Variants in ZER1 observed in about 807,000 individuals in gnomAD.
ZER1 encodes zyg-11 related cell cycle regulator.
In ZER1, 11 loss-of-function variants were observed where a neutral mutation model predicts 78.8. That is an observed-to-expected ratio of 0.14 (90% CI 0.09 to 0.23). The LOEUF (loss-of-function observed/expected upper bound fraction) is 0.23, where lower values mean the gene tolerates loss of function less well. Ranked by LOEUF, ZER1 falls within the 10% of genes least tolerant of loss-of-function variation. ZER1 has a pLI of 1.00. For missense variants in ZER1, 588 were observed against 996.9 expected, an observed-to-expected ratio of 0.59 and a Z score of 5.52; for synonymous variants, 400 against 407.0, an observed-to-expected ratio of 0.98 and a Z score of 0.21.
chr9:128,766,479 T>A (rs965476755), intron 1 of ZER1, among the ~76,000 whole-genome samples: 1 of 152,136 alleles, frequency 6.6e-6, no homozygotes, highest in African/African-American at 2.4e-5. Context: ...GAAGGGGCTA[T>A]GGCTATGCAA....
chr9:128,743,155 T>C (rs1053881928), intron 8 of ZER1, among the ~76,000 whole-genome samples: 1 of 151,834 alleles, frequency 6.6e-6, no homozygotes, highest in African/African-American at 2.4e-5. Context: ...TGCTGCTCTG[T>C]CGCCCAGGCT....
chr9:128,743,699 C>T (rs1037238153), intron 8 of ZER1, among the ~76,000 whole-genome samples: 2 of 151,862 alleles, frequency 1.3e-5, no homozygotes, highest in African/African-American at 4.8e-5. Flanking sequence ...GGATTCTAGG[C>T]ATGAGCAACT....
At chr9:128,756,521 G>A (rs1456971043) in intron 1 of ZER1, among the ~76,000 whole-genome samples, 1 of 152,154 alleles carries the variant, frequency 6.6e-6, no homozygotes, top group Non-Finnish European at 1.5e-5. Context: ...ACTGGTGAAC[G>A]GATCAACAAA....
rs930718249 is a variant in ZER1 at position 128,753,436 on chromosome 9, G to A, written c.474C>T (p.Val158=). 6.8e-6 allele frequency: 11 copies of A among 1,614,062 alleles called. No individual in the cohort carries two copies. The highest frequency in any genetic ancestry group is 8.5e-6 in the Non-Finnish European group (10 of 1,180,032). ...TAACCAGCACCTGGCAGGTGGGGTT[G>A]ACGAGGTACTCATCTTCACAGCCCC... ...NPGGCEDEYL[V]NPTCQVLVKD... is the part of the protein sequence containing the mutation. The change falls in exon 4 of 16, where the codon GTC becomes GTT. Residue 158 remains valine (V), a synonymous_variant. Coordinates refer to ENST00000291900, the MANE Select transcript of ZER1 (RefSeq NM_006336.4). This position sits in a 1 kb window ranked among gnomAD's most constrained non-coding sequence, Gnocchi z 7.5.
Position 128,759,004 on chromosome 9 carries a change from T to TA in ZER1, c.-94-3346_-94-3345insT, listed in dbSNP as rs113623547. ...GTGTGTACTTTTTCAAGTGAATTTT[T>TA]TTTTTTTTTTTTAGACTGAGTCTTG... is the stretch of plus-strand genomic sequence containing the variant. On this transcript the variant is annotated intron_variant, in intron 1 of 15. Coordinates refer to ENST00000291900, the MANE Select transcript of ZER1 (RefSeq NM_006336.4). Among the ~76,000 whole-genome samples the TA allele has an allele frequency of 7.5e-3, 1,136 of 152,002 alleles. 19 individuals are homozygous for TA. Among genetic ancestry groups the TA allele is most frequent in the African/African-American group, 0.026 (1,068 of 41,470 alleles).
At chr9:128,731,429 G>C in intron 15 of ZER1, 35 bp from the exon 16 acceptor site, 1 of 1,428,286 alleles carries the variant, frequency 7.0e-7, no homozygotes, top group Non-Finnish European at 9.8e-7. Context: ...TTGGAGGGTG[G>C]GCTTGGGTGG....
At chr9:128,750,816 CT>C (rs1863651681) in intron 7 of ZER1, 27 bp from the exon 8 acceptor site, 1 of 1,613,186 alleles carries the variant, frequency 6.2e-7, no homozygotes, top group Admixed American at 1.7e-5. Flanking sequence ...GGGACCTGGG[CT>C]GGCAAGTGCA....
chr9:128,749,636 G>A (rs1206168161), intron 8 of ZER1, among the ~76,000 whole-genome samples: 6 of 151,560 alleles, frequency 4.0e-5, no homozygotes, highest in African/African-American at 1.5e-4. Context: ...TTAGGCAGGT[G>A]TGGTGGCATG....
intron 1 of ZER1, among the ~76,000 whole-genome samples, chr9:128,764,256 G>A (rs1328949635): frequency 6.6e-6 from 1 of 152,158 alleles, no homozygotes; most frequent in Non-Finnish European, 1.5e-5. Context: ...CAAAGTACTC[G>A]CCATCAGAGG....
In ZER1 at chr9:128,753,964, G is replaced by C; in HGVS notation, c.159-5C>G. The C allele has an allele frequency of 6.3e-7, 1 of 1,581,258 alleles. No homozygotes were observed. Among genetic ancestry groups the C allele is most frequent in the East Asian group, 2.3e-5 (1 of 42,586 alleles). On this transcript the variant is annotated splice_region_variant and splice_polypyrimidine_tract_variant and intron_variant, in intron 2 of 15. Transcript: ENST00000291900. This position sits in a 1 kb window ranked among gnomAD's most constrained non-coding sequence, Gnocchi z 7.5. Reference sequence around the variant, plus strand: ...GCGTTCACCAGCTCCACATACCTGGGAGAGAAAAAAGCCTGGCTCAGGAGA... The same window carrying C: ...GCGTTCACCAGCTCCACATACCTGGCAGAGAAAAAAGCCTGGCTCAGGAGA...
intron 1 of ZER1, among the ~76,000 whole-genome samples, chr9:128,756,672 T>C (rs1274062150): frequency 2.6e-5 from 4 of 152,188 alleles, no homozygotes; most frequent in East Asian, 3.8e-4. Context: ...ATTCCTCTGA[T>C]AGAAATGTCC....
chr9:128,762,443 T>C (rs558256709), intron 1 of ZER1, among the ~76,000 whole-genome samples: 1 of 152,304 alleles, frequency 6.6e-6, no homozygotes, highest in South Asian at 2.1e-4. Flanking sequence ...CAGGCATAGC[T>C]CACATTTCAG....
At chr9:128,757,047 C>A (rs1272302405) in intron 1 of ZER1, among the ~76,000 whole-genome samples, 1 of 152,068 alleles carries the variant, frequency 6.6e-6, no homozygotes, top group Non-Finnish European at 1.5e-5. Context: ...TCTGTTCATG[C>A]ATACACAAAA....
chr9:128,736,415 A>G (rs1203563762), intron 13 of ZER1, among the ~76,000 whole-genome samples: 1 of 136,734 alleles, frequency 7.3e-6, no homozygotes, highest in Non-Finnish European at 1.5e-5. Flanking sequence ...TTTTTTTGAG[A>G]CGGAGTCTCA....
chr9:128,734,020 C>T (rs1167768713), intron 14 of ZER1, among the ~76,000 whole-genome samples: 13 of 113,826 alleles, frequency 1.1e-4, no homozygotes, highest in African/African-American at 2.8e-4. Context: ...CCCAGCTACA[C>T]GGGAGGCTGA....
In ZER1 at chr9:128,735,255, T is replaced by A; in HGVS notation, c.2140+79A>T. On this transcript the variant is annotated intron_variant, in intron 14 of 15. Coordinates refer to ENST00000291900, the MANE Select transcript of ZER1 (RefSeq NM_006336.4). ...CTGACAGCAGCAATTAATGCCCCCC[T>A]CCTGGACTACAAACTCCCTGAGGGC... The A allele has an allele frequency of 3.0e-6, 4 of 1,324,632 alleles. No homozygotes were observed. In the South Asian group the frequency reaches 5.6e-5, roughly 18 times the overall value. The allele number at this position is 1,324,632 out of a possible 1,614,324, so 82.1% of individuals were successfully genotyped here. A position where few individuals can be genotyped will look rare whatever the true frequency, so the allele number is the denominator to read the frequency against.
Position 128,740,579 on chromosome 9 carries a change from CA to C in ZER1, c.1853+192del, listed in dbSNP as rs111851383. Among the ~76,000 whole-genome samples, 9,305 of 103,702 alleles carry C rather than the reference CA, an allele frequency of 0.09. 880 individuals are homozygous for C. Among genetic ancestry groups the C allele is most frequent in the African/African-American group, 0.28 (8,460 of 30,600 alleles). The allele number at this position is 103,702 out of a possible 152,430, so 68.0% of individuals were successfully genotyped here. A position where few individuals can be genotyped will look rare whatever the true frequency, so the allele number is the denominator to read the frequency against. Reference sequence around the variant, plus strand: ...TGGGTGACAGAGCAAGACTCCATCTCAAAAAAAAAAAAAAAGATATAATTAC... The same window carrying C: ...TGGGTGACAGAGCAAGACTCCATCTCAAAAAAAAAAAAAAGATATAATTAC... On this transcript the variant is annotated intron_variant, in intron 12 of 15. Coordinates refer to ENST00000291900, the MANE Select transcript of ZER1 (RefSeq NM_006336.4). The surrounding 1 kb of genome is among the most constrained non-coding windows in gnomAD (Gnocchi z 4.4).
At position 128,733,622 on chromosome 9, in the gene ZER1, TGTC is replaced by T. The variant is rs934036728; in HGVS notation, c.2141-97_2141-95del. On this transcript the variant is annotated intron_variant, in intron 14 of 15. Coordinates refer to ENST00000291900, the MANE Select transcript of ZER1 (RefSeq NM_006336.4). ...ACCCTGTCTGTGAGGACTATCCTGG[TGTC>T]GGGGGTGTGAAGGCACAGCCCTTGG... The T allele has an allele frequency of 3.5e-6, 4 of 1,153,798 alleles. No homozygotes were observed. The African/African-American group carries it at 6.1e-5, about 18-fold the overall frequency. 71.5% of individuals were successfully genotyped at this position (1,153,798 alleles called of 1,614,324 possible).
At chr9:128,748,491 A>G (rs1301619240) in intron 8 of ZER1, among the ~76,000 whole-genome samples, 1 of 151,032 alleles carries the variant, frequency 6.6e-6, no homozygotes, top group African/African-American at 2.4e-5. Context: ...GGCTTGCTTG[A>G]GCCTGAGAGG....
Sources: gnomAD v4.1 joint callset for allele counts (sites outside exome capture counted in the v4.1 genomes callset) on GRCh38, gnomAD v4.1.1 for gene constraint, Gnocchi (gnomAD v3.1) non-coding constraint, MANE v1.5 for transcripts, NCBI Gene and HGNC (gene_info 2026-07-23, HGNC 2026-07-21) for gene names.